SORCS3: variants seen among roughly 807,000 people sequenced by gnomAD.
SORCS3 encodes the protein VPS10 domain-containing receptor SorCS3.
In SORCS3, 57 loss-of-function variants were observed where a neutral mutation model predicts 146.3. That is an observed-to-expected ratio of 0.39 (90% CI 0.31 to 0.49). The LOEUF (loss-of-function observed/expected upper bound fraction) is 0.49. SORCS3 is among the 20% of genes least tolerant of loss of function. The pLI is 0.92. For missense variants in SORCS3, 1,341 were observed against 1,575.5 expected, an observed-to-expected ratio of 0.85 and a Z score of 2.52; for synonymous variants, 653 against 618.5, an observed-to-expected ratio of 1.06 and a Z score of -0.83.
At chr10:104,810,803 T>C (rs886567668) in intron 1 of SORCS3, among the ~76,000 whole-genome samples, 1 of 152,252 alleles carries the variant, frequency 6.6e-6, no homozygotes, top group African/African-American at 2.4e-5. Flanking sequence ...GTGGCTATTG[T>C]GGAAACTTTC....
chr10:105,151,299 A>G (rs2056165806), intron 9 of SORCS3, among the ~76,000 whole-genome samples: 1 of 152,182 alleles, frequency 6.6e-6, no homozygotes, highest in South Asian at 2.1e-4. Context: ...AGCAGTGGGG[A>G]TGAAGATTGT....
At chr10:104,777,475 G>A (rs1285925617) in intron 1 of SORCS3, among the ~76,000 whole-genome samples, 1 of 152,200 alleles carries the variant, frequency 6.6e-6, no homozygotes, top group African/African-American at 2.4e-5. Context: ...ACTGCAGCAG[G>A]CAATGCCTTT....
chr10:104,947,941 G>A (rs1202771127), intron 3 of SORCS3, among the ~76,000 whole-genome samples: 6 of 152,082 alleles, frequency 3.9e-5, no homozygotes, highest in Non-Finnish European at 7.3e-5. Flanking sequence ...TAAAGAACTT[G>A]GGCATAGGTA....
chr10:104,898,601 A>G (rs1252202197), intron 2 of SORCS3, among the ~76,000 whole-genome samples: 1 of 152,216 alleles, frequency 6.6e-6, no homozygotes, highest in Non-Finnish European at 1.5e-5. Flanking sequence ...AAACTAGACT[A>G]CATTTGTCAG....
At chr10:104,699,036 G>A (rs1206119948) in intron 1 of SORCS3, among the ~76,000 whole-genome samples, 1 of 152,152 alleles carries the variant, frequency 6.6e-6, no homozygotes, top group East Asian at 1.9e-4. Context: ...TAGCTGTAAA[G>A]AGAAGGGATC....
At chr10:104,785,198 G>A (rs2133495658) in intron 1 of SORCS3, among the ~76,000 whole-genome samples, 1 of 151,484 alleles carries the variant, frequency 6.6e-6, no homozygotes, top group East Asian at 2.0e-4. Flanking sequence ...TGTGTAGAAA[G>A]AAGTAGACAT....
At chr10:104,940,230 ATATATATATTTT>A (rs1422127787) in intron 3 of SORCS3, among the ~76,000 whole-genome samples, 162 of 23,906 alleles carry the variant, frequency 6.8e-3, no homozygotes, top group African/African-American at 0.024. Flanking sequence ...ATATATATAT[ATATATATATTTT>A]TTTTTTTTTT....
chr10:105,012,190 T>A (rs886597038), intron 4 of SORCS3, among the ~76,000 whole-genome samples: 1 of 152,186 alleles, frequency 6.6e-6, no homozygotes, highest in Admixed American at 6.5e-5. Flanking sequence ...ATGGCACCCA[T>A]ACTTGTGTTT....
chr10:105,168,455 A>G (rs913725803), intron 13 of SORCS3, among the ~76,000 whole-genome samples: 2 of 152,294 alleles, frequency 1.3e-5, no homozygotes, highest in African/African-American at 4.8e-5. Flanking sequence ...CACGCTTCAG[A>G]TTCAGCAAAG....
intron 1 of SORCS3, among the ~76,000 whole-genome samples, chr10:104,786,963 A>T (rs1180956928): frequency 6.6e-6 from 1 of 152,188 alleles, no homozygotes; most frequent in Non-Finnish European, 1.5e-5. Flanking sequence ...CCACCTGCCC[A>T]TCCTGCCCCA....
chr10:105,148,222 A>G (rs11192339), intron 9 of SORCS3, among the ~76,000 whole-genome samples: 31,833 of 151,920 alleles, frequency 0.21, 3,995 homozygotes, highest in Middle Eastern at 0.3. Flanking sequence ...TTATGAACAA[A>G]TTTTATGGGA....
chr10:104,783,678 G>T (rs1260404847), intron 1 of SORCS3, among the ~76,000 whole-genome samples: 1 of 152,178 alleles, frequency 6.6e-6, no homozygotes, highest in Non-Finnish European at 1.5e-5. Context: ...AGTGAACCAA[G>T]ATTGCGCCAT....
At chr10:105,085,660 A>C (rs1192343165) in intron 5 of SORCS3, among the ~76,000 whole-genome samples, 1 of 152,212 alleles carries the variant, frequency 6.6e-6, no homozygotes, top group Non-Finnish European at 1.5e-5. Context: ...AAACAAAGGC[A>C]CCCTATGGGC....
intron 20 of SORCS3, among the ~76,000 whole-genome samples, chr10:105,244,598 T>G (rs2056854906): frequency 6.6e-6 from 1 of 152,128 alleles, no homozygotes; most frequent in African/African-American, 2.4e-5. Flanking sequence ...TATGTTATGA[T>G]TATTGGGGGA....
At chr10:104,692,475 A>G (rs1003826031) in intron 1 of SORCS3, among the ~76,000 whole-genome samples, 2 of 152,172 alleles carry the variant, frequency 1.3e-5, no homozygotes, top group Non-Finnish European at 2.9e-5. Flanking sequence ...CAAAAACTGC[A>G]ATTACTCTTG....
chr10:105,107,185 T>C (rs555613823), intron 7 of SORCS3, among the ~76,000 whole-genome samples: 1 of 152,346 alleles, frequency 6.6e-6, no homozygotes, highest in South Asian at 2.1e-4. Context: ...AAAGTCAGTC[T>C]GTGTTGCCAA....
At chr10:105,027,475 T>C (rs924681019) in intron 4 of SORCS3, among the ~76,000 whole-genome samples, 10 of 152,212 alleles carry the variant, frequency 6.6e-5, no homozygotes, top group Non-Finnish European at 5.9e-5. Flanking sequence ...TGACACTATA[T>C]AATAATGAGT....
intron 2 of SORCS3, among the ~76,000 whole-genome samples, chr10:104,867,215 AG>A (rs2018469350): frequency 6.6e-6 from 1 of 151,014 alleles, no homozygotes; most frequent in Non-Finnish European, 1.5e-5. Flanking sequence ...AGAGGAGAGG[AG>A]AGGAGGGGGT....
At chr10:104,837,529 G>A (rs2018085204) in intron 1 of SORCS3, among the ~76,000 whole-genome samples, 1 of 152,132 alleles carries the variant, frequency 6.6e-6, no homozygotes, top group Non-Finnish European at 1.5e-5. Flanking sequence ...CAGGATTATA[G>A]CCAGTTAGGT....
Sources: allele counts gnomAD v4.1 joint callset (sites outside exome capture counted in the v4.1 genomes callset), GRCh38; gene constraint gnomAD v4.1.1; transcripts MANE v1.5; gene names NCBI Gene and HGNC (gene_info 2026-07-23, HGNC 2026-07-21).